SPECC1L: variants seen among roughly 807,000 people sequenced by gnomAD.
SPECC1L encodes cytospin-A.
A neutral mutation model predicts 116.8 loss-of-function variants in SPECC1L; 40 were observed. That is an observed-to-expected ratio of 0.34 (90% CI 0.27 to 0.45). SPECC1L has a LOEUF of 0.45. Ranked by LOEUF, SPECC1L falls within the 20% of genes least tolerant of loss-of-function variation. The pLI is 1.00. For synonymous variants in SPECC1L, 504 were observed against 500.6 expected, an observed-to-expected ratio of 1.01 and a Z score of -0.09; for missense variants, 1,110 against 1,373.6, an observed-to-expected ratio of 0.81 and a Z score of 3.03.
intron 14 of SPECC1L, among the ~76,000 whole-genome samples, chr22:24,407,871 C>G (rs1352276983): frequency 2.0e-5 from 3 of 152,170 alleles, no homozygotes; most frequent in Admixed American, 1.3e-4. Flanking sequence ...CTTCTCTGTA[C>G]CCTAATCCTA....
Position 24,385,784 on chromosome 22 carries a change from G to A in SPECC1L, c.3087+16464G>A, listed in dbSNP as rs182622809. On this transcript the variant is annotated intron_variant, in intron 14 of 16. Coordinates refer to ENST00000314328, the MANE Select transcript of SPECC1L (RefSeq NM_015330.6). ...AGGAAAACTGATAGAACTAAAAGGC[G>A]AAATAGGCATATTTGGAGATTTTAA... Among the ~76,000 whole-genome samples the A allele has an allele frequency of 3.0e-3, 461 of 152,252 alleles. 1 individual carries two copies. The highest frequency in any genetic ancestry group is 5.5e-3 in the Non-Finnish European group (377 of 68,020).
At chr22:24,345,541 T>C (rs150864500) in intron 10 of SPECC1L, among the ~76,000 whole-genome samples, 2 of 152,270 alleles carry the variant, frequency 1.3e-5, no homozygotes, top group Admixed American at 1.3e-4. Context: ...TCATAATACA[T>C]TTACCTAACA....
chr22:24,394,509 A>G (rs1326138231), intron 14 of SPECC1L, among the ~76,000 whole-genome samples: 1 of 152,218 alleles, frequency 6.6e-6, no homozygotes, highest in Non-Finnish European at 1.5e-5. Context: ...ATTTGGGGAA[A>G]CAGGAATATT....
At chr22:24,397,464 T>C (rs1240147781) in intron 14 of SPECC1L, among the ~76,000 whole-genome samples, 1 of 152,156 alleles carries the variant, frequency 6.6e-6, no homozygotes, top group African/African-American at 2.4e-5. Context: ...CCAGTTGTCC[T>C]TTTAGGCTCC....
At chr22:24,402,486 G>A (rs547721737) in intron 14 of SPECC1L, among the ~76,000 whole-genome samples, 1 of 152,298 alleles carries the variant, frequency 6.6e-6, no homozygotes, top group South Asian at 2.1e-4. Flanking sequence ...GTATAGGGGG[G>A]CATCGTGAGC....
chr22:24,306,295 T>C (rs570236537), intron 3 of SPECC1L, among the ~76,000 whole-genome samples: 1 of 149,952 alleles, frequency 6.7e-6, no homozygotes, highest in East Asian at 1.9e-4. Flanking sequence ...TTCCGTTGTC[T>C]TTTTTTTTTC....
chr22:24,308,819 C>G (rs2049554980), intron 3 of SPECC1L, among the ~76,000 whole-genome samples: 1 of 151,950 alleles, frequency 6.6e-6, no homozygotes, highest in Non-Finnish European at 1.5e-5. Flanking sequence ...TTTTACTTTC[C>G]CTTGGTTTAT....
chr22:24,335,766 C>A (rs959028942), intron 9 of SPECC1L, among the ~76,000 whole-genome samples: 1 of 152,062 alleles, frequency 6.6e-6, no homozygotes, highest in African/African-American at 2.4e-5. Flanking sequence ...GTTTAAAATG[C>A]CGTATTCATA....
chr22:24,403,511 T>C (rs549306510), intron 14 of SPECC1L, among the ~76,000 whole-genome samples: 13 of 152,364 alleles, frequency 8.5e-5, no homozygotes, highest in Non-Finnish European at 1.8e-4. Flanking sequence ...GTGTGAGTTT[T>C]GGCTTTGAGA....
rs756714389 is a variant in SPECC1L at position 24,288,615 on chromosome 22, C to CTTTTTTTTTTTTTTT, written c.-38+11827_-38+11841dup. Among the ~76,000 whole-genome samples, 7 of 61,678 alleles carry CTTTTTTTTTTTTTTT rather than the reference C, an allele frequency of 1.1e-4. 1 individual carries two copies. Among genetic ancestry groups the CTTTTTTTTTTTTTTT allele is most frequent in the East Asian group, 1.3e-3 (2 of 1,586 alleles). The allele number at this position is 61,678 out of a possible 152,430, so 40.5% of individuals were successfully genotyped here. A position where few individuals can be genotyped will look rare whatever the true frequency, so the allele number is the denominator to read the frequency against. ...GACTTCTCAAATCCAAAATTTTAAGCTTTTTTTTTTTTTTTTTTTTTTTTT... is the reference window on the plus strand; with the variant it reads ...GACTTCTCAAATCCAAAATTTTAAGCTTTTTTTTTTTTTTTTTTTTTTTTTTTTTTTTTTTTTTTT... On this transcript the variant is annotated intron_variant, in intron 2 of 16. Transcript: ENST00000314328.
At chr22:24,360,703 C>T (rs1338877902) in intron 11 of SPECC1L, among the ~76,000 whole-genome samples, 4 of 152,130 alleles carry the variant, frequency 2.6e-5, no homozygotes, top group African/African-American at 9.7e-5. Flanking sequence ...TTTCAACCTT[C>T]GTTTTCACTT....
intron 2 of SPECC1L, among the ~76,000 whole-genome samples, chr22:24,296,339 C>T (rs903447818): frequency 2.6e-5 from 4 of 152,174 alleles, no homozygotes; most frequent in African/African-American, 9.7e-5. Context: ...CAGTGCCTTT[C>T]CCTGTTATTT....
chr22:24,322,065 C>A lies in SPECC1L; in HGVS notation c.1085C>A (p.Ala362Glu). 2 of 1,614,152 alleles carry A rather than the reference C, an allele frequency of 1.2e-6. No individual in the cohort carries two copies. Among genetic ancestry groups the A allele is most frequent in the Non-Finnish European group, 1.7e-6 (2 of 1,180,030 alleles). Residue 362 changes from alanine to glutamate, a missense_variant, in exon 5 of 17, where the codon GCG becomes GAG. Physicochemically the swap from Ala to Glu is moderately radical, Grantham distance 107 (BLOSUM62 -1). Coordinates refer to ENST00000314328, the MANE Select transcript of SPECC1L (RefSeq NM_015330.6). ...CAGCCCCTCACATCGAGCGATGATG[C>A]GCTGGATGCACCATCCTCCTCAGAG... ...VYQPLTSSDD[A>E]LDAPSSSESE...
At chr22:24,320,895 C>T (rs1180541533) in intron 4 of SPECC1L, among the ~76,000 whole-genome samples, 1 of 152,230 alleles carries the variant, frequency 6.6e-6, no homozygotes, top group Non-Finnish European at 1.5e-5. Flanking sequence ...TTACCACCGA[C>T]TGGCTAATCC....
At chr22:24,271,441 G>T (rs1035953533) in intron 1 of SPECC1L, among the ~76,000 whole-genome samples, 1 of 152,262 alleles carries the variant, frequency 6.6e-6, no homozygotes, top group Non-Finnish European at 1.5e-5. Flanking sequence ...GGGGCCACAG[G>T]CGGCGGACCC....
intron 11 of SPECC1L, among the ~76,000 whole-genome samples, chr22:24,360,593 A>G (rs533228852): frequency 6.6e-6 from 1 of 152,200 alleles, no homozygotes; most frequent in East Asian, 1.9e-4. Context: ...TGTGTATTGT[A>G]AAAGAGAAAA....
Position 24,411,569 on chromosome 22 carries a change from T to C in SPECC1L, c.3088-19T>C. The C allele has an allele frequency of 6.2e-7, 1 of 1,609,762 alleles. No homozygotes were observed. Among genetic ancestry groups the C allele is most frequent in the South Asian group, 1.1e-5 (1 of 91,010 alleles). On this transcript the variant is annotated intron_variant, in intron 14 of 16. Transcript: ENST00000314328. The stretch of plus-strand genomic sequence containing the variant: ...GTCCCAGCATGTGTTGGTTACATGT[T>C]TTTCTTCCTTTCCTTCAGAATATTG...
chr22:24,329,727 C>G (rs150788889), intron 7 of SPECC1L, among the ~76,000 whole-genome samples: 13 of 152,214 alleles, frequency 8.5e-5, no homozygotes, highest in African/African-American at 3.1e-4. Flanking sequence ...CTTACCGCCT[C>G]TTTGTATAAT....
At chr22:24,318,403 C>A (rs1569418565) in intron 4 of SPECC1L, among the ~76,000 whole-genome samples, 1 of 152,092 alleles carries the variant, frequency 6.6e-6, no homozygotes, top group Admixed American at 6.5e-5. Flanking sequence ...CGCCTGCAAT[C>A]GCAGGCACTC....
Sources: gnomAD v4.1 joint callset for allele counts (sites outside exome capture counted in the v4.1 genomes callset) on GRCh38, gnomAD v4.1.1 for gene constraint, MANE v1.5 for transcripts, NCBI Gene and HGNC (gene_info 2026-07-23, HGNC 2026-07-21) for gene names.